The following ATRNL1 variants were observed in gnomAD, a reference collection of about 807,000 sequenced individuals.
ATRNL1 encodes the protein attractin like 1, also known as attractin-like protein 1.
ATRNL1 carries 95 observed loss-of-function variants against 182.7 expected under a neutral mutation model. The observed-to-expected ratio is 0.52, with a 90% CI of 0.44 to 0.62. The LOEUF (loss-of-function observed/expected upper bound fraction) is 0.62. ATRNL1 is among the 20% of genes least tolerant of loss of function. The pLI is 0.00. For missense variants in ATRNL1, 1,471 were observed against 1,679.5 expected (o/e 0.88, Z 2.17); for synonymous variants, 576 against 568.3 (o/e 1.01, Z -0.19).
intron 26 of ATRNL1, among the ~76,000 whole-genome samples, chr10:115,712,975 T>C (rs1472218024): frequency 6.6e-6 from 1 of 152,194 alleles, no homozygotes; most frequent in African/African-American, 2.4e-5. Flanking sequence ...AAAACTTTAG[T>C]TTCCATTTAT....
chr10:115,383,695 T>C (rs1296420577), intron 19 of ATRNL1, among the ~76,000 whole-genome samples: 1 of 151,984 alleles, frequency 6.6e-6, no homozygotes, highest in East Asian at 1.9e-4. Context: ...TTCAGAAATA[T>C]ATTTTAAATT....
intron 1 of ATRNL1, among the ~76,000 whole-genome samples, chr10:115,105,274 C>T (rs928474131): frequency 3.0e-4 from 46 of 152,046 alleles, no homozygotes; most frequent in African/African-American, 9.6e-4. Flanking sequence ...TGAACTTCAG[C>T]GAGATGATTT....
chr10:115,313,658 T>C (rs1168366184), intron 17 of ATRNL1, among the ~76,000 whole-genome samples: 3 of 152,090 alleles, frequency 2.0e-5, no homozygotes, highest in African/African-American at 7.3e-5. Flanking sequence ...AATCTGGCTG[T>C]TGCTAAAGCA....
At chr10:115,295,545 C>T (rs930612054) in intron 15 of ATRNL1, among the ~76,000 whole-genome samples, 47 of 152,228 alleles carry the variant, frequency 3.1e-4, no homozygotes, top group African/African-American at 1.0e-3. Flanking sequence ...CAAGGGCCTG[C>T]CTGGAGAGGT....
chr10:115,574,851 A>G (rs985015486), intron 26 of ATRNL1, among the ~76,000 whole-genome samples: 1 of 152,208 alleles, frequency 6.6e-6, no homozygotes, highest in African/African-American at 2.4e-5. Flanking sequence ...TCTTTGTAAA[A>G]TATTAGAAAC....
At chr10:115,222,300 C>A (rs955512976) in intron 9 of ATRNL1, among the ~76,000 whole-genome samples, 2 of 151,862 alleles carry the variant, frequency 1.3e-5, no homozygotes, top group Non-Finnish European at 2.9e-5. Context: ...CAAAAAAGGA[C>A]AGAAAGAAAT....
At chr10:115,722,127 G>T (rs1555057924) in intron 26 of ATRNL1, among the ~76,000 whole-genome samples, 3 of 151,988 alleles carry the variant, frequency 2.0e-5, no homozygotes, top group African/African-American at 7.2e-5. Flanking sequence ...AAAAATCATT[G>T]GAAATGAATA....
At chr10:115,233,745 T>C (rs1592298238) in intron 9 of ATRNL1, among the ~76,000 whole-genome samples, 2 of 152,174 alleles carry the variant, frequency 1.3e-5, no homozygotes, top group South Asian at 4.1e-4. Flanking sequence ...TGCCAAAGGC[T>C]GTTTTAGGAA....
At chr10:115,730,812 A>G (rs1947775470) in intron 27 of ATRNL1, among the ~76,000 whole-genome samples, 1 of 152,084 alleles carries the variant, frequency 6.6e-6, no homozygotes. Flanking sequence ...TATATTCTAT[A>G]TATATAGGAG....
In ATRNL1 at chr10:115,235,936, CCTT is replaced by C. The variant is rs562158789; in HGVS notation, c.1533-5631_1533-5629del. Among the ~76,000 whole-genome samples the C allele has an allele frequency of 2.2e-3, 328 of 151,976 alleles. 2 individuals are homozygous for C. The highest frequency in any genetic ancestry group is 2.0e-3 in the Non-Finnish European group (136 of 67,922). On this transcript the variant is annotated intron_variant, in intron 9 of 28. Coordinates refer to ENST00000355044, the MANE Select transcript of ATRNL1 (RefSeq NM_207303.4). ...TACTAAGTGCTTATATTTCATTATTCCTTCTTAGTCTCCCCAGTCTATATATTC... is the reference window on the plus strand; with the variant it reads ...TACTAAGTGCTTATATTTCATTATTCCTTAGTCTCCCCAGTCTATATATTC...
At chr10:115,841,516 A>G (rs572929750) in intron 27 of ATRNL1, among the ~76,000 whole-genome samples, 1 of 152,226 alleles carries the variant, frequency 6.6e-6, no homozygotes, top group Admixed American at 6.5e-5. Context: ...TACCTTCAGA[A>G]CCTCAAGTGC....
At chr10:115,135,120 G>T (rs1271799890) in intron 5 of ATRNL1, among the ~76,000 whole-genome samples, 3 of 151,890 alleles carry the variant, frequency 2.0e-5, no homozygotes, top group Admixed American at 1.3e-4. Context: ...CTTTGAAAAC[G>T]GGCACAAGAC....
intron 10 of ATRNL1, among the ~76,000 whole-genome samples, 193 bp downstream of exon 10, chr10:115,241,918 G>A (rs1222520199): frequency 6.6e-6 from 1 of 152,072 alleles, no homozygotes; most frequent in Non-Finnish European, 1.5e-5. Flanking sequence ...GTACTGAGCA[G>A]AAGTAGTGGT....
chr10:115,129,679 AATC>A (rs1845138330), intron 5 of ATRNL1, 144 bp downstream of exon 5: 2 of 621,192 alleles, frequency 3.2e-6, no homozygotes, highest in Admixed American at 6.9e-5. Context: ...TCAGATTAAT[AATC>A]AACTTCTTAA....
intron 26 of ATRNL1, among the ~76,000 whole-genome samples, chr10:115,609,267 A>T (rs1237098582): frequency 6.6e-6 from 1 of 152,096 alleles, no homozygotes; most frequent in Non-Finnish European, 1.5e-5. Flanking sequence ...TGCTGACATG[A>T]TGTGGAATAC....
intron 1 of ATRNL1, among the ~76,000 whole-genome samples, chr10:115,109,716 TCTC>T (rs1388595064): frequency 6.6e-6 from 1 of 152,162 alleles, no homozygotes; most frequent in Non-Finnish European, 1.5e-5. Context: ...CTGTCTGAGA[TCTC>T]CTCAGAATTG....
intron 19 of ATRNL1, among the ~76,000 whole-genome samples, chr10:115,341,820 G>GT (rs1217925233): frequency 3.3e-5 from 5 of 151,934 alleles, no homozygotes; most frequent in African/African-American, 1.2e-4. Flanking sequence ...TTTGTTTGAT[G>GT]TAAGTATAGC....
At chr10:115,786,879 C>T (rs569811089) in intron 27 of ATRNL1, among the ~76,000 whole-genome samples, 1 of 152,196 alleles carries the variant, frequency 6.6e-6, no homozygotes, top group South Asian at 2.1e-4. Flanking sequence ...TTATGTCAGA[C>T]TGTGGCAACA....
chr10:115,727,176 G>T, intron 26 of ATRNL1, 72 bp from the exon 27 acceptor site: 1 of 1,030,842 alleles, frequency 9.7e-7, no homozygotes, highest in Non-Finnish European at 1.5e-6. Flanking sequence ...GTTAAAAGAG[G>T]GAACCAGATA....
Sources: gnomAD v4.1 joint callset for allele counts (sites outside exome capture counted in the v4.1 genomes callset) on GRCh38, gnomAD v4.1.1 for gene constraint, MANE v1.5 for transcripts, NCBI Gene and HGNC (gene_info 2026-07-23, HGNC 2026-07-21) for gene names.